The following GRM7 variants were observed in gnomAD, a reference collection of about 807,000 sequenced individuals.
GRM7 encodes the protein glutamate metabotropic receptor 7, also known as metabotropic glutamate receptor 7.
GRM7 carries 35 observed loss-of-function variants against 84.5 expected under a neutral mutation model. The observed-to-expected ratio is 0.41, with a 90% CI of 0.32 to 0.55. GRM7 has a LOEUF of 0.55. GRM7 is among the 20% of genes least tolerant of loss of function. The probability of loss-of-function intolerance (pLI) is 0.19; values close to 1 mark genes in which losing one functional copy is unlikely to be tolerated. For synonymous variants in GRM7, 487 were observed against 455.1 expected, an observed-to-expected ratio of 1.07 and a Z score of -0.89; for missense variants, 1,003 against 1,194.6, an observed-to-expected ratio of 0.84 and a Z score of 2.36.
chr3:7,559,511 G>A (rs1693918077), intron 7 of GRM7, among the ~76,000 whole-genome samples: 1 of 151,938 alleles, frequency 6.6e-6, no homozygotes, highest in Non-Finnish European at 1.5e-5. Flanking sequence ...CACCATCACT[G>A]ACCAATAAAA....
intron 1 of GRM7, among the ~76,000 whole-genome samples, chr3:7,042,018 G>C (rs1696640468): frequency 6.6e-6 from 1 of 152,166 alleles, no homozygotes; most frequent in South Asian, 2.1e-4. Context: ...CTGAAGGGTG[G>C]TATGCCTGGA....
At chr3:6,920,774 T>C (rs1025881581) in intron 1 of GRM7, among the ~76,000 whole-genome samples, 3 of 152,102 alleles carry the variant, frequency 2.0e-5, no homozygotes, top group Non-Finnish European at 4.4e-5. Context: ...GAGTTGTACT[T>C]CACGAGCTGC....
rs1294233200 is a variant in GRM7 at position 7,188,332 on chromosome 3, T to G, written c.736+41664T>G. On this transcript the variant is annotated intron_variant, in intron 2 of 9. Coordinates refer to ENST00000357716, the MANE Select transcript of GRM7 (RefSeq NM_000844.4). The surrounding 1 kb of genome is among the most constrained non-coding windows in gnomAD (Gnocchi z 4.2). The stretch of plus-strand genomic sequence containing the variant: ...GAACTTTATAGGTAGGTATGTTATA[T>G]AATATAATCTGTAATTAAAACTTTA... Among the ~76,000 whole-genome samples, 1 of 152,158 alleles carries G rather than the reference T, an allele frequency of 6.6e-6. No individual in the cohort carries two copies. The highest frequency in any genetic ancestry group is 2.4e-5 in the African/African-American group (1 of 41,448).
In GRM7 at chr3:7,425,495, G is replaced by A. The variant is rs543437050; in HGVS notation, c.1174+10332G>A. Among the ~76,000 whole-genome samples, 3 of 152,256 alleles carry A rather than the reference G, an allele frequency of 2.0e-5. No homozygotes were observed. In the South Asian group the frequency reaches 6.2e-4, roughly 32 times the overall value. On this transcript the variant is annotated intron_variant, in intron 5 of 9. Transcript: ENST00000357716. ...AGGGTAGGCCAAACACAAGTCGGCA[G>A]CCTTGTTAAAGCAGATGGTGGAGAC...
intron 1 of GRM7, among the ~76,000 whole-genome samples, chr3:7,037,533 A>C (rs1290054621): frequency 6.6e-6 from 1 of 152,150 alleles, no homozygotes; most frequent in Non-Finnish European, 1.5e-5. Context: ...CACGAACATT[A>C]GTTATTACTT....
At chr3:7,623,575 G>C (rs1697463945) in intron 8 of GRM7, among the ~76,000 whole-genome samples, 1 of 152,124 alleles carries the variant, frequency 6.6e-6, no homozygotes. Context: ...ACTGAGACCA[G>C]TGAGTCTGTC....
chr3:7,464,904 G>A (rs1698400388), intron 7 of GRM7, among the ~76,000 whole-genome samples: 1 of 151,978 alleles, frequency 6.6e-6, no homozygotes, highest in Non-Finnish European at 1.5e-5. Context: ...GCTGAGGCAG[G>A]ATAATCGCTT....
chr3:7,652,005 A>G (rs1698962748), intron 8 of GRM7, among the ~76,000 whole-genome samples: 1 of 152,210 alleles, frequency 6.6e-6, no homozygotes, highest in Non-Finnish European at 1.5e-5. Flanking sequence ...AGTTCTTAAC[A>G]GGACATTTTG....
chr3:7,578,967 C>T lies in GRM7; in HGVS notation c.2061C>T (p.Gly687=). The change falls in exon 8 of 10, where the codon GGC becomes GGT. Residue 687 remains glycine (G), a synonymous_variant. Coordinates refer to ENST00000357716, the MANE Select transcript of GRM7 (RefSeq NM_000844.4). ...TNRIYRIFEQ[G]KKSVTAPRLI... ...GGATTTATCGCATATTTGAGCAGGG[C>T]AAGAAATCAGTAACAGCTCCCAGAC... 1 of 1,614,078 alleles carries T rather than the reference C, an allele frequency of 6.2e-7. No individual in the cohort carries two copies. Among genetic ancestry groups the T allele is most frequent in the Non-Finnish European group, 8.5e-7 (1 of 1,180,010 alleles).
intron 1 of GRM7, among the ~76,000 whole-genome samples, chr3:6,949,560 C>G (rs1692630614): frequency 6.6e-6 from 1 of 151,716 alleles, no homozygotes; most frequent in African/African-American, 2.4e-5. Flanking sequence ...CGAGGAGTAT[C>G]TTTGTGGCAT....
chr3:7,430,792 T>C (rs772668515), intron 5 of GRM7, among the ~76,000 whole-genome samples: 4 of 152,192 alleles, frequency 2.6e-5, no homozygotes, highest in Non-Finnish European at 4.4e-5. Context: ...TCTCAGAAGA[T>C]ACAGATAGGG....
At chr3:6,917,176 G>C (rs1487229501) in intron 1 of GRM7, among the ~76,000 whole-genome samples, 3 of 152,044 alleles carry the variant, frequency 2.0e-5, no homozygotes, top group Non-Finnish European at 4.4e-5. Context: ...TGAGAATTTG[G>C]TAAGAGGTTA....
intron 8 of GRM7, among the ~76,000 whole-genome samples, chr3:7,637,255 C>T (rs1054295658): frequency 7.2e-5 from 11 of 152,188 alleles, no homozygotes; most frequent in African/African-American, 2.4e-4. Flanking sequence ...ATGATCCTCC[C>T]TTGTTGGCCT....
At chr3:7,523,151 C>T (rs114218634) in intron 7 of GRM7, among the ~76,000 whole-genome samples, 80 of 152,254 alleles carry the variant, frequency 5.3e-4, no homozygotes, top group African/African-American at 1.6e-3. Flanking sequence ...GAGACATTCA[C>T]GTTTCTTTTC....
chr3:7,276,326 A>G (rs1699056137), intron 2 of GRM7, among the ~76,000 whole-genome samples: 1 of 151,574 alleles, frequency 6.6e-6, no homozygotes, highest in African/African-American at 2.4e-5. Flanking sequence ...TTAGTATTCC[A>G]AAGTCATGAA....
At chr3:7,175,454 A>G (rs1431555057) in intron 2 of GRM7, among the ~76,000 whole-genome samples, 3 of 152,228 alleles carry the variant, frequency 2.0e-5, no homozygotes. Context: ...TCACTTCTTC[A>G]TTTGGTGCCT....
chr3:7,006,207 A>G (rs150391757), intron 1 of GRM7, among the ~76,000 whole-genome samples: 2 of 152,340 alleles, frequency 1.3e-5, no homozygotes, highest in East Asian at 3.9e-4. Context: ...GGTCTACTTT[A>G]TATCATAGCC....
At chr3:6,983,474 T>C (rs866819544) in intron 1 of GRM7, among the ~76,000 whole-genome samples, 2 of 151,984 alleles carry the variant, frequency 1.3e-5, no homozygotes, top group Admixed American at 1.3e-4. Flanking sequence ...AGGAAGTTAA[T>C]TGATTTTTTT....
intron 7 of GRM7, chr3:7,561,537 G>A (rs1385523776): frequency 2.0e-5 from 9 of 456,436 alleles, no homozygotes; most frequent in Non-Finnish European, 3.5e-5. Context: ...TGTTGGCATG[G>A]AAAGTCCTTC....
Sources: allele counts gnomAD v4.1 joint callset (sites outside exome capture counted in the v4.1 genomes callset), GRCh38; gene constraint gnomAD v4.1.1; non-coding constraint Gnocchi (gnomAD v3.1); transcripts MANE v1.5; gene names NCBI Gene and HGNC (gene_info 2026-07-23, HGNC 2026-07-21).